PARVA: variants seen among roughly 807,000 people sequenced by gnomAD.
PARVA encodes the protein alpha-parvin.
PARVA carries 25 observed loss-of-function variants against 52.6 expected under a neutral mutation model. The observed-to-expected ratio is 0.48, with a 90% CI of 0.35 to 0.66. PARVA has a LOEUF of 0.66. Among genes scored for constraint, PARVA ranks in the 30% least tolerant of loss-of-function variants. PARVA has a pLI of 0.01. For synonymous variants in PARVA, 185 were observed against 179.1 expected (o/e 1.03, Z -0.26); for missense variants, 373 against 450.9 (o/e 0.83, Z 1.56).
intron 5 of PARVA, among the ~76,000 whole-genome samples, chr11:12,502,805 AT>A (rs34251505): frequency 0.37 from 54,146 of 148,166 alleles, 10,592 homozygotes; most frequent in East Asian, 0.55. Flanking sequence ...AACTATTTTC[AT>A]TTTTTTTTTT....
intron 1 of PARVA, among the ~76,000 whole-genome samples, chr11:12,436,590 C>G (rs549221690): frequency 5.9e-5 from 9 of 152,114 alleles, no homozygotes; most frequent in Non-Finnish European, 1.0e-4. Context: ...AAATTGATGT[C>G]AGAGGCCACA....
intron 1 of PARVA, chr11:12,453,104 A>G: frequency 2.2e-6 from 1 of 446,146 alleles, no homozygotes; most frequent in Non-Finnish European, 4.5e-6. Flanking sequence ...CGCCCTGGCC[A>G]CCTCCCAGCT....
In PARVA at chr11:12,377,668, G is replaced by A; in HGVS notation, c.21G>A (p.Lys7=). 1 of 1,569,680 alleles carries A rather than the reference G, an allele frequency of 6.4e-7. No homozygotes were observed. The highest frequency in any genetic ancestry group is 8.6e-7 in the Non-Finnish European group (1 of 1,162,824). ...GCGCCATGGCCACCTCCCCGCAGAA[G>A]TCGCCTTCTGTCCCCAAGTCTCCCA... MATSPQ[K]SPSVPKSPTP... is the part of the protein sequence containing the mutation. Residue 7 remains lysine, a synonymous_variant, in exon 1 of 13, where the codon AAG becomes AAA. Coordinates refer to ENST00000334956, the MANE Select transcript of PARVA (RefSeq NM_018222.5).
chr11:12,406,783 G>A (rs1337509354), intron 1 of PARVA, among the ~76,000 whole-genome samples: 1 of 144,424 alleles, frequency 6.9e-6, no homozygotes, highest in Non-Finnish European at 1.5e-5. Context: ...CCATTCTCCT[G>A]CCTCGGCCTC....
intron 1 of PARVA, among the ~76,000 whole-genome samples, chr11:12,463,028 A>G (rs980228572): frequency 2.0e-5 from 3 of 151,934 alleles, no homozygotes; most frequent in Non-Finnish European, 4.4e-5. Flanking sequence ...CCAACCCTTC[A>G]TGAACACTAT....
intron 1 of PARVA, among the ~76,000 whole-genome samples, chr11:12,406,707 G>C (rs1036191752): frequency 2.0e-5 from 2 of 99,218 alleles, no homozygotes; most frequent in Non-Finnish European, 3.6e-5. Context: ...GTCTTGCTCT[G>C]TTGCCCAGGC....
intron 4 of PARVA, chr11:12,480,868 C>T (rs1301866097): frequency 2.0e-5 from 3 of 147,460 alleles, no homozygotes; most frequent in African/African-American, 7.6e-5. Flanking sequence ...AGTCTGGAAG[C>T]AGAGATTTTG....
chr11:12,400,908 G>T lies in PARVA; in HGVS notation c.136+23125G>T, dbSNP rs535493710. ...TATACTAGCAGTGTGGGCAAAGGGA[G>T]GCCTGAGGAGCAACATAGGCAGTTG... On this transcript the variant is annotated intron_variant, in intron 1 of 12. Transcript: ENST00000334956. Among the ~76,000 whole-genome samples the T allele has an allele frequency of 4.6e-5, 7 of 152,290 alleles. 1 individual carries two copies. In the East Asian group the frequency reaches 1.4e-3, roughly 29 times the overall value.
chr11:12,510,894 A>C (rs547674671), intron 7 of PARVA, among the ~76,000 whole-genome samples: 12 of 152,280 alleles, frequency 7.9e-5, no homozygotes, highest in African/African-American at 2.9e-4. Context: ...ACAGCAAAAA[A>C]ATCACTCAGT....
At chr11:12,440,892 G>A (rs1940457584) in intron 1 of PARVA, among the ~76,000 whole-genome samples, 1 of 152,196 alleles carries the variant, frequency 6.6e-6, no homozygotes, top group African/African-American at 2.4e-5. Flanking sequence ...GATTAGGTTA[G>A]GTTTACGCAG....
chr11:12,518,648 G>C (rs1941600948), intron 12 of PARVA, 131 bp downstream of exon 12: 2 of 711,332 alleles, frequency 2.8e-6, no homozygotes, highest in Admixed American at 2.1e-5. Flanking sequence ...ACTCGGTGCA[G>C]CTGCTCAGTC....
chr11:12,516,679 G>T (rs1941571442), intron 10 of PARVA, among the ~76,000 whole-genome samples: 2 of 152,324 alleles, frequency 1.3e-5, no homozygotes, highest in South Asian at 2.1e-4. Context: ...TTGCTTTGTT[G>T]TTTTCCCAGA....
intron 1 of PARVA, among the ~76,000 whole-genome samples, chr11:12,399,160 T>G (rs907760671): frequency 7.2e-5 from 11 of 152,256 alleles, no homozygotes; most frequent in African/African-American, 2.7e-4. Context: ...ATATTACATT[T>G]CTATAGAAAA....
At chr11:12,479,727 G>T (rs993764194) in intron 4 of PARVA, 1 of 152,132 alleles carries the variant, frequency 6.6e-6, no homozygotes, top group African/African-American at 2.4e-5. Context: ...GTATAGGTGT[G>T]TAGATATAAA....
intron 1 of PARVA, among the ~76,000 whole-genome samples, chr11:12,389,288 G>A (rs1211165983): frequency 6.6e-6 from 1 of 152,096 alleles, no homozygotes; most frequent in Non-Finnish European, 1.5e-5. Flanking sequence ...CCCAGTGTCT[G>A]CTCCCTTCTG....
At chr11:12,523,930 G>T (rs908003353) in intron 12 of PARVA, among the ~76,000 whole-genome samples, 9 of 152,236 alleles carry the variant, frequency 5.9e-5, no homozygotes, top group African/African-American at 1.4e-4. Flanking sequence ...AGATAGTCCA[G>T]TCTCCTTTTG....
At chr11:12,403,177 A>T (rs1489424265) in intron 1 of PARVA, among the ~76,000 whole-genome samples, 1 of 152,010 alleles carries the variant, frequency 6.6e-6, no homozygotes, top group Non-Finnish European at 1.5e-5. Flanking sequence ...TGAAACCCCT[A>T]CTGTACTCTG....
intron 12 of PARVA, 143 bp downstream of exon 12, chr11:12,518,660 C>T (rs1010960503): frequency 1.3e-5 from 9 of 677,648 alleles, no homozygotes; most frequent in African/African-American, 7.2e-5. Context: ...TGCTCAGTCC[C>T]AGAGACCCTT....
At chr11:12,390,991 TGGGCTCAGCA>T (rs1939651062) in intron 1 of PARVA, among the ~76,000 whole-genome samples, 1 of 152,138 alleles carries the variant, frequency 6.6e-6, no homozygotes, top group South Asian at 2.1e-4. Context: ...CCTCTCTTGG[TGGGCTCAGCA>T]GCTCCTTCAG....
Sources: allele counts gnomAD v4.1 joint callset (sites outside exome capture counted in the v4.1 genomes callset), GRCh38; gene constraint gnomAD v4.1.1; transcripts MANE v1.5; gene names NCBI Gene and HGNC (gene_info 2026-07-23, HGNC 2026-07-21).